Variants in SVIL observed in about 807,000 individuals in gnomAD.
SVIL encodes archvillin.
SVIL carries 101 observed loss-of-function variants against 240.4 expected under a neutral mutation model. The ratio of observed to expected loss-of-function variants is 0.42; its 90% CI spans 0.36 to 0.50. The LOEUF (loss-of-function observed/expected upper bound fraction) is 0.50, where lower values mean the gene tolerates loss of function less well. Ranked by LOEUF, SVIL falls within the 20% of genes least tolerant of loss-of-function variation. The pLI is 0.01. For synonymous variants in SVIL, 999 were observed against 1,100.0 expected (o/e 0.91, Z 1.82); for missense variants, 2,512 against 2,818.7 (o/e 0.89, Z 2.46).
In SVIL at chr10:29,457,655, G is replaced by A. The variant is rs1943720954; in HGVS notation, c.*592C>T. The A allele has an allele frequency of 6.6e-6, 1 of 152,500 alleles. No individual in the cohort carries two copies. Among genetic ancestry groups the A allele is most frequent in the African/African-American group, 2.4e-5 (1 of 41,398 alleles). 9.4% of individuals were successfully genotyped at this position (152,500 alleles called of 1,614,324 possible). A position where few individuals can be genotyped will look rare whatever the true frequency, so the allele number is the denominator to read the frequency against. ...CAAATTCTTTGTTCATTTTAGCACC[G>A]GAAGCAGTACTCAGAACAAGTCATA... On this transcript the variant is annotated 3_prime_UTR_variant, in exon 38 of 38. Coordinates refer to ENST00000355867, the MANE Select transcript of SVIL (RefSeq NM_021738.3).
At position 29,458,353 on chromosome 10, in the gene SVIL, C is replaced by T. The variant is rs747546065; in HGVS notation, c.6559-20G>A. On this transcript the variant is annotated intron_variant, in intron 37 of 37. Transcript: ENST00000355867. ...TGCAAACTGGAAACATTGGGAGAAG[C>T]GCCCCGCGGCTCAGTGAAAGGAGCC... is the stretch of plus-strand genomic sequence containing the variant. The T allele has an allele frequency of 9.9e-6, 16 of 1,613,410 alleles. No homozygotes were observed. The highest frequency in any genetic ancestry group is 5.0e-5 in the Admixed American group (3 of 59,872).
At chr10:29,494,476 T>G (rs1948248786) in intron 20 of SVIL, among the ~76,000 whole-genome samples, 2 of 152,230 alleles carry the variant, frequency 1.3e-5, no homozygotes, top group African/African-American at 4.8e-5. Flanking sequence ...ATATTGCTCT[T>G]TTATTTGGTA....
At chr10:29,543,592 T>C (rs910704816) in intron 6 of SVIL, among the ~76,000 whole-genome samples, 4 of 152,164 alleles carry the variant, frequency 2.6e-5, no homozygotes, top group Non-Finnish European at 5.9e-5. Context: ...TGTTAGTTTC[T>C]AACCATTGTT....
intron 2 of SVIL, among the ~76,000 whole-genome samples, chr10:29,567,949 G>A (rs1320248418): frequency 2.0e-5 from 3 of 151,598 alleles, no homozygotes; most frequent in South Asian, 2.1e-4. Context: ...CCCAGGAGGC[G>A]GAGCTTGCAG....
At chr10:29,468,159 TCTA>T (rs1285033428) in intron 32 of SVIL, among the ~76,000 whole-genome samples, 1 of 152,212 alleles carries the variant, frequency 6.6e-6, no homozygotes, top group Admixed American at 6.5e-5. Context: ...AATCCACTAA[TCTA>T]CTCCTGTATT....
intron 2 of SVIL, among the ~76,000 whole-genome samples, chr10:29,666,255 T>TA (rs949321576): frequency 1.3e-5 from 2 of 152,110 alleles, no homozygotes; most frequent in East Asian, 1.9e-4. Flanking sequence ...TTCCACTCTT[T>TA]AAAAAAATAA....
chr10:29,642,779 G>T (rs1357559406), intron 3 of SVIL, among the ~76,000 whole-genome samples: 2 of 152,074 alleles, frequency 1.3e-5, no homozygotes, highest in African/African-American at 4.8e-5. Flanking sequence ...CACCTGCTGG[G>T]TTCAAGCCAT....
Position 29,463,575 on chromosome 10 carries a change from T to C in SVIL, c.6194A>G (p.Glu2065Gly). 8.7e-6 allele frequency: 14 copies of C among 1,614,192 alleles called. No homozygotes were observed. Among genetic ancestry groups the C allele is most frequent in the Non-Finnish European group, 1.2e-5 (14 of 1,180,038 alleles). ...VYLWQGWWPI[E>G]NKITGSARIR... ...GCGGGCGGAACCAGTGATCTTGTTC[T>C]CGATGGGCCACCAGCCTTGCCAGAG... is the stretch of plus-strand genomic sequence containing the variant. Residue 2065 changes from glutamate to glycine, a missense_variant, in exon 35 of 38, where the codon GAG becomes GGG. Glu to Gly is a moderately conservative substitution (Grantham distance 98). Transcript: ENST00000355867.
intron 2 of SVIL, among the ~76,000 whole-genome samples, chr10:29,664,291 G>T (rs1272654443): frequency 2.6e-5 from 4 of 151,432 alleles, no homozygotes; most frequent in East Asian, 1.9e-4. Flanking sequence ...TGTTTTTTTT[G>T]ATGGCTCCTA....
chr10:29,478,659 T>C (rs1434977293), intron 29 of SVIL, among the ~76,000 whole-genome samples: 1 of 151,400 alleles, frequency 6.6e-6, no homozygotes, highest in African/African-American at 2.4e-5. Flanking sequence ...ATTAAGTAGA[T>C]GAGGAATGCT....
At chr10:29,494,417 A>G (rs1359853472) in intron 20 of SVIL, among the ~76,000 whole-genome samples, 1 of 152,214 alleles carries the variant, frequency 6.6e-6, no homozygotes, top group African/African-American at 2.4e-5. Flanking sequence ...GTATTTGATA[A>G]GTTTCCAGGA....
At chr10:29,590,165 CAAAAAAA>C (rs58469441) in intron 1 of SVIL, among the ~76,000 whole-genome samples, 1 of 79,668 alleles carries the variant, frequency 1.3e-5, no homozygotes, top group African/African-American at 6.2e-5. Context: ...GACTCCGTCT[CAAAAAAA>C]AAAAAAAAAA....
intron 1 of SVIL, among the ~76,000 whole-genome samples, chr10:29,574,097 C>T (rs372114411): frequency 8.5e-5 from 13 of 152,270 alleles, no homozygotes; most frequent in East Asian, 3.9e-4. Flanking sequence ...TCAGCATGAA[C>T]GCACAAAGTT....
At chr10:29,503,178 A>G (rs1014946509) in intron 17 of SVIL, among the ~76,000 whole-genome samples, 5 of 152,358 alleles carry the variant, frequency 3.3e-5, no homozygotes, top group South Asian at 2.1e-4. Flanking sequence ...TCTACACACT[A>G]TGAAAGAAAT....
In SVIL at chr10:29,579,204, G is replaced by A. The variant is rs375855479; in HGVS notation, c.-200-9892C>T. Reference sequence around the variant, plus strand: ...TGTAATCCCAGCACTTTGGGAGGCCGAGGCGGGCGGATCATGAGGTCAGGA... The same window carrying A: ...TGTAATCCCAGCACTTTGGGAGGCCAAGGCGGGCGGATCATGAGGTCAGGA... On this transcript the variant is annotated intron_variant, in intron 1 of 37. Transcript: ENST00000355867. Among the ~76,000 whole-genome samples, 15 of 152,170 alleles carry A rather than the reference G, an allele frequency of 9.9e-5. No individual in the cohort carries two copies. In the East Asian group the frequency reaches 2.1e-3, roughly 22 times the overall value.
At chr10:29,510,355 A>T (rs1949739794) in intron 17 of SVIL, among the ~76,000 whole-genome samples, 1 of 152,188 alleles carries the variant, frequency 6.6e-6, no homozygotes, top group Non-Finnish European at 1.5e-5. Flanking sequence ...AGGAAATTTC[A>T]AAATGACCTG....
In SVIL at chr10:29,458,268, C is replaced by T. The variant is rs1293652870; in HGVS notation, c.6624G>A (p.Lys2208=). ...CCACTCAGAACAGGCCTTTTGCTTT[C>T]TTCAGGTTCACCTGCTTCCAGGCGG... ...ALPAWKQVNL[K]KAKGLF is the part of the protein sequence containing the mutation. The change falls in exon 38 of 38, where the codon AAG becomes AAA. Residue 2208 remains lysine, a synonymous_variant. Coordinates refer to ENST00000355867, the MANE Select transcript of SVIL (RefSeq NM_021738.3). The T allele has an allele frequency of 6.2e-7, 1 of 1,614,228 alleles. No individual in the cohort carries two copies. The highest frequency in any genetic ancestry group is 1.3e-5 in the African/African-American group (1 of 75,068).
chr10:29,566,435 G>A (rs1007006586), intron 2 of SVIL, among the ~76,000 whole-genome samples: 12 of 152,234 alleles, frequency 7.9e-5, no homozygotes, highest in African/African-American at 2.9e-4. Flanking sequence ...AGGAGGAGCA[G>A]GAGCAGGCAG....
At chr10:29,462,678 T>C (rs1349732060) in intron 35 of SVIL, among the ~76,000 whole-genome samples, 1 of 152,214 alleles carries the variant, frequency 6.6e-6, no homozygotes, top group African/African-American at 2.4e-5. Context: ...AGGCTCTGTC[T>C]GCAGCTTCTG....
Sources: allele counts gnomAD v4.1 joint callset (sites outside exome capture counted in the v4.1 genomes callset), GRCh38; gene constraint gnomAD v4.1.1; transcripts MANE v1.5; gene names NCBI Gene and HGNC (gene_info 2026-07-23, HGNC 2026-07-21).